The following SLC25A21 variants were observed in gnomAD, a reference collection of about 807,000 sequenced individuals.
SLC25A21 encodes mitochondrial 2-oxodicarboxylate carrier.
SLC25A21 carries 47 observed loss-of-function variants against 43.8 expected under a neutral mutation model. That is an observed-to-expected ratio of 1.07 (90% CI 0.85 to 1.37). The LOEUF (loss-of-function observed/expected upper bound fraction) is 1.37, where lower values mean the gene tolerates loss of function less well. SLC25A21 is among the 40% of genes most tolerant of loss of function. SLC25A21 has a pLI of 0.00. For missense variants in SLC25A21, 352 were observed against 350.2 expected, an observed-to-expected ratio of 1.00 and a Z score of -0.04; for synonymous variants, 131 against 121.3, an observed-to-expected ratio of 1.08 and a Z score of -0.52.
At chr14:36,855,879 G>T (rs1889882541) in intron 2 of SLC25A21, among the ~76,000 whole-genome samples, 1 of 152,134 alleles carries the variant, frequency 6.6e-6, no homozygotes, top group Admixed American at 6.5e-5. Context: ...GGGTGGTTTT[G>T]TTTCCCAGGC....
At position 37,063,520 on chromosome 14, in the gene SLC25A21, T is replaced by C. The variant is rs1455337269; in HGVS notation, c.70+108761A>G. On this transcript the variant is annotated intron_variant, in intron 1 of 9. Coordinates refer to ENST00000331299, the MANE Select transcript of SLC25A21 (RefSeq NM_030631.4). ...CGTAAATCATGTCACCTGGGTATCCTTGAGCACAGAGAAAGGCATACTAGA... is the reference window on the plus strand; with the variant it reads ...CGTAAATCATGTCACCTGGGTATCCCTGAGCACAGAGAAAGGCATACTAGA... 3.3e-5 allele frequency among the ~76,000 whole-genome samples: 5 copies of C among 151,712 alleles called. 1 individual carries two copies. Among genetic ancestry groups the C allele is most frequent in the South Asian group, 4.2e-4 (2 of 4,792 alleles).
intron 2 of SLC25A21, among the ~76,000 whole-genome samples, chr14:36,861,213 G>C (rs1890055955): frequency 6.6e-6 from 1 of 152,076 alleles, no homozygotes; most frequent in South Asian, 2.1e-4. Flanking sequence ...CTTTGGTCAA[G>C]GTTCACAGTT....
rs1202734856 is a variant in SLC25A21, at chr14:36,680,383, GAAAT to G, written c.*271_*274del. On this transcript the variant is annotated 3_prime_UTR_variant, in exon 10 of 10. Transcript: ENST00000331299. ...GAGACAAAGTTTCTATTTATTTTAT[GAAAT>G]AAATATATGATTTCTATGCTATTTT... 3 of 1,044,200 alleles carry G rather than the reference GAAAT, an allele frequency of 2.9e-6. No individual in the cohort carries two copies. The highest frequency in any genetic ancestry group is 4.2e-4 in the Middle Eastern group (1 of 2,390). 64.7% of individuals were successfully genotyped at this position (1,044,200 alleles called of 1,614,324 possible). A position where few individuals can be genotyped will look rare whatever the true frequency, so the allele number is the denominator to read the frequency against.
Position 36,678,767 on chromosome 14 carries a change from T to C in SLC25A21, c.*1891A>G. 1 of 1,086,390 alleles carries C rather than the reference T, an allele frequency of 9.2e-7. No individual in the cohort carries two copies. The highest frequency in any genetic ancestry group is 1.1e-6 in the Non-Finnish European group (1 of 886,394). 67.3% of individuals were successfully genotyped at this position (1,086,390 alleles called of 1,614,324 possible). A position where few individuals can be genotyped will look rare whatever the true frequency, so the allele number is the denominator to read the frequency against. Reference sequence around the variant, plus strand: ...TAATTTTTTTCTGGTTCTTGTATTTTAAAAAATCTAATATTAATGGTATTG... The same window carrying C: ...TAATTTTTTTCTGGTTCTTGTATTTCAAAAAATCTAATATTAATGGTATTG... On this transcript the variant is annotated 3_prime_UTR_variant, in exon 10 of 10. Coordinates refer to ENST00000331299, the MANE Select transcript of SLC25A21 (RefSeq NM_030631.4).
chr14:36,960,962 C>A (rs1454234865), intron 1 of SLC25A21, among the ~76,000 whole-genome samples: 2 of 152,198 alleles, frequency 1.3e-5, no homozygotes, highest in Non-Finnish European at 2.9e-5. Flanking sequence ...AATTCAACAG[C>A]AGTCATGCTG....
At chr14:36,699,683 C>G (rs1480675343) in intron 7 of SLC25A21, among the ~76,000 whole-genome samples, 1 of 152,194 alleles carries the variant, frequency 6.6e-6, no homozygotes, top group Non-Finnish European at 1.5e-5. Flanking sequence ...GCCAGGCTGC[C>G]ACCTTGCAGA....
At chr14:36,705,756 T>C (rs1427673795) in intron 7 of SLC25A21, among the ~76,000 whole-genome samples, 1 of 152,200 alleles carries the variant, frequency 6.6e-6, no homozygotes, top group African/African-American at 2.4e-5. Context: ...TCTAGAATTA[T>C]CCCATGCCAG....
At chr14:37,097,693 G>A (rs1962727150) in intron 1 of SLC25A21, among the ~76,000 whole-genome samples, 1 of 151,932 alleles carries the variant, frequency 6.6e-6, no homozygotes, top group Non-Finnish European at 1.5e-5. Context: ...GACTAGCCTG[G>A]CCAACATGGT....
chr14:37,160,727 C>T (rs564324175), intron 1 of SLC25A21, among the ~76,000 whole-genome samples: 3 of 151,800 alleles, frequency 2.0e-5, no homozygotes, highest in African/African-American at 4.8e-5. Flanking sequence ...GTCAGGAGTT[C>T]GAGACCAGCC....
intron 1 of SLC25A21, among the ~76,000 whole-genome samples, chr14:37,122,645 G>GAA: frequency 9.0e-6 from 1 of 111,016 alleles, no homozygotes; most frequent in Non-Finnish European, 2.0e-5. Context: ...TATAGTATGA[G>GAA]TACAACATTT....
At chr14:36,909,907 T>C (rs1280111737) in intron 1 of SLC25A21, among the ~76,000 whole-genome samples, 1 of 152,110 alleles carries the variant, frequency 6.6e-6, no homozygotes, top group Non-Finnish European at 1.5e-5. Context: ...CCTACCTAAA[T>C]ACGAACATTG....
At chr14:36,814,232 T>C (rs1888373364) in intron 2 of SLC25A21, among the ~76,000 whole-genome samples, 1 of 152,222 alleles carries the variant, frequency 6.6e-6, no homozygotes, top group African/African-American at 2.4e-5. Flanking sequence ...TGTATTTTCA[T>C]CTATTTCTTA....
chr14:36,975,193 A>C (rs1205506692), intron 1 of SLC25A21, among the ~76,000 whole-genome samples: 3 of 152,146 alleles, frequency 2.0e-5, no homozygotes, highest in Non-Finnish European at 2.9e-5. Context: ...ATGTCAAAGA[A>C]GAAACACCTA....
chr14:36,874,916 T>C (rs1672250072), intron 2 of SLC25A21, 40 bp downstream of exon 2: 3 of 1,573,956 alleles, frequency 1.9e-6, no homozygotes, highest in Non-Finnish European at 8.7e-7. Context: ...AATTTGGATA[T>C]TAGCCAAAGT....
intron 3 of SLC25A21, among the ~76,000 whole-genome samples, chr14:36,801,988 C>A (rs944184410): frequency 2.0e-5 from 3 of 152,144 alleles, no homozygotes; most frequent in African/African-American, 7.2e-5. Flanking sequence ...GGCGAAGTGC[C>A]CGAATCTAAA....
intron 2 of SLC25A21, among the ~76,000 whole-genome samples, chr14:36,872,862 C>T (rs1373038323): frequency 6.6e-6 from 1 of 152,130 alleles, no homozygotes; most frequent in Non-Finnish European, 1.5e-5. Flanking sequence ...AATGATACAG[C>T]TTTTGAAGTT....
intron 1 of SLC25A21, among the ~76,000 whole-genome samples, chr14:37,106,410 C>T (rs928107731): frequency 6.6e-6 from 1 of 151,970 alleles, no homozygotes; most frequent in Non-Finnish European, 1.5e-5. Flanking sequence ...GAGTGTCTGT[C>T]TTATGCGGTT....
chr14:36,964,741 G>A (rs951719809), intron 1 of SLC25A21, among the ~76,000 whole-genome samples: 3 of 152,080 alleles, frequency 2.0e-5, no homozygotes. Flanking sequence ...ATCCCAGTCC[G>A]TGTACTCACC....
intron 2 of SLC25A21, among the ~76,000 whole-genome samples, chr14:36,839,376 C>A (rs1157970677): frequency 6.6e-6 from 1 of 152,174 alleles, no homozygotes; most frequent in African/African-American, 2.4e-5. Context: ...TGTGAACATA[C>A]CAGTTTCATT....
Sources: allele counts gnomAD v4.1 joint callset (sites outside exome capture counted in the v4.1 genomes callset), GRCh38; gene constraint gnomAD v4.1.1; transcripts MANE v1.5; gene names NCBI Gene and HGNC (gene_info 2026-07-23, HGNC 2026-07-21).